Variants in TENM3 observed in about 807,000 individuals in gnomAD.
The protein encoded by TENM3 is teneurin-3.
TENM3 carries 63 observed loss-of-function variants against 255.1 expected under a neutral mutation model. The observed-to-expected ratio is 0.25, with a 90% CI of 0.20 to 0.30. The LOEUF (loss-of-function observed/expected upper bound fraction) is 0.30, where lower values mean the gene tolerates loss of function less well. Among genes scored for constraint, TENM3 ranks in the 10% least tolerant of loss-of-function variants. The probability of loss-of-function intolerance (pLI) is 1.00; values close to 1 mark genes in which losing one functional copy is unlikely to be tolerated. For missense variants in TENM3, 2,929 were observed against 3,461.1 expected (o/e 0.85, Z 3.86); for synonymous variants, 1,306 against 1,322.3 (o/e 0.99, Z 0.27).
chr4:181,745,745 G>A, the TENM3 span, among the ~76,000 whole-genome samples: 2,906 of 152,220 alleles, frequency 0.019, 91 homozygotes, highest in African/African-American at 0.064. Context: ...GAAGCTCTGA[G>A]GATACAGAAA....
At chr4:182,480,897 T>C (rs1734131782) in intron 3 of TENM3, among the ~76,000 whole-genome samples, 1 of 152,106 alleles carries the variant, frequency 6.6e-6, no homozygotes, top group Admixed American at 6.5e-5. Flanking sequence ...GAGAATTGGG[T>C]ATTTGATTTT....
the TENM3 span, among the ~76,000 whole-genome samples, chr4:181,482,256 C>T: frequency 1.3e-5 from 2 of 152,180 alleles, no homozygotes; most frequent in South Asian, 2.1e-4. Context: ...GACAACTTCT[C>T]CTTTCTACAC....
chr4:181,539,429 A>T, the TENM3 span, among the ~76,000 whole-genome samples: 1 of 152,232 alleles, frequency 6.6e-6, no homozygotes, highest in Admixed American at 6.5e-5. Flanking sequence ...TTTGAAAAAT[A>T]AAGTCTCATT....
At chr4:181,725,489 C>T in the TENM3 span, among the ~76,000 whole-genome samples, 2 of 147,206 alleles carry the variant, frequency 1.4e-5, no homozygotes, top group Non-Finnish European at 3.0e-5. Context: ...GAGTCTCACT[C>T]TGTCACCCAG....
chr4:182,167,166 T>G (rs1751774492), intron 1 of TENM3, among the ~76,000 whole-genome samples: 1 of 152,206 alleles, frequency 6.6e-6, no homozygotes, highest in African/African-American at 2.4e-5. Flanking sequence ...GCTAACTGAT[T>G]ACAATGGCTG....
chr4:181,448,382 G>A, the TENM3 span, among the ~76,000 whole-genome samples: 12 of 150,596 alleles, frequency 8.0e-5, no homozygotes, highest in African/African-American at 2.0e-4. Context: ...CGTTTTAGCC[G>A]GGATGGTCTC....
At chr4:181,605,568 A>AAGAAAGAAAGAAAGAAAGGGAG in the TENM3 span, among the ~76,000 whole-genome samples, 17 of 42,204 alleles carry the variant, frequency 4.0e-4, 1 homozygote, top group African/African-American at 1.5e-3. Context: ...GAAAGAAAGA[A>AAGAAAGAAAGAAAGAAAGGGAG]AGAGAGAGAA....
chr4:182,446,348 A>C (rs1772911702), intron 3 of TENM3, among the ~76,000 whole-genome samples: 1 of 152,240 alleles, frequency 6.6e-6, no homozygotes, highest in Admixed American at 6.5e-5. Context: ...CTTATATCTA[A>C]TTAGCATTTT....
intron 3 of TENM3, among the ~76,000 whole-genome samples, chr4:182,389,411 A>G (rs2150970583): frequency 6.6e-6 from 1 of 151,326 alleles, no homozygotes; most frequent in South Asian, 2.1e-4. Context: ...AACTATGCCC[A>G]GGCCATAGAG....
At chr4:182,471,221 A>G (rs1733091629) in intron 3 of TENM3, among the ~76,000 whole-genome samples, 1 of 152,216 alleles carries the variant, frequency 6.6e-6, no homozygotes, top group African/African-American at 2.4e-5. Flanking sequence ...AAACACATTT[A>G]AAAATGGCCT....
the TENM3 span, among the ~76,000 whole-genome samples, chr4:182,071,817 G>A: frequency 0.71 from 107,397 of 151,388 alleles, 38,765 homozygotes; most frequent in East Asian, 0.87. Flanking sequence ...CACCAGGGAT[G>A]GTTCTTAATC....
chr4:182,698,424 G>T (rs993984791), intron 12 of TENM3, among the ~76,000 whole-genome samples: 1 of 152,046 alleles, frequency 6.6e-6, no homozygotes, highest in East Asian at 1.9e-4. Flanking sequence ...ATACGATGAC[G>T]TCTCCAAAAG....
chr4:181,620,841 T>G, the TENM3 span, among the ~76,000 whole-genome samples: 1 of 152,172 alleles, frequency 6.6e-6, no homozygotes, highest in South Asian at 2.1e-4. Context: ...TTATTATGTA[T>G]CCTAACTATT....
the TENM3 span, among the ~76,000 whole-genome samples, chr4:181,710,047 G>A: frequency 6.6e-6 from 1 of 152,234 alleles, no homozygotes; most frequent in East Asian, 1.9e-4. Flanking sequence ...GGGACAGTGG[G>A]ATATTTCACA....
the TENM3 span, among the ~76,000 whole-genome samples, chr4:181,595,444 A>AACAAAAAAAAAC: frequency 2.3e-5 from 3 of 129,528 alleles, no homozygotes; most frequent in Non-Finnish European, 3.2e-5. Flanking sequence ...AAAAAAAAAA[A>AACAAAAAAAAAC]AAAAAAAAAA....
chr4:181,858,386 C>A, the TENM3 span, among the ~76,000 whole-genome samples: 13 of 152,160 alleles, frequency 8.5e-5, no homozygotes, highest in East Asian at 1.4e-3. Flanking sequence ...TGGTAATGAA[C>A]CAGCTATTTC....
intron 3 of TENM3, among the ~76,000 whole-genome samples, chr4:182,597,756 G>GT (rs1250661717): frequency 3.9e-5 from 6 of 152,276 alleles, no homozygotes; most frequent in African/African-American, 1.4e-4. Flanking sequence ...TCTATCTTGA[G>GT]TAAATTGGTA....
At chr4:182,576,065 C>T (rs535481285) in intron 3 of TENM3, among the ~76,000 whole-genome samples, 2 of 152,258 alleles carry the variant, frequency 1.3e-5, no homozygotes, top group South Asian at 2.1e-4. Flanking sequence ...TTACTTTAGA[C>T]AATGTTAAGA....
At chr4:181,977,481 T>C in the TENM3 span, among the ~76,000 whole-genome samples, 1 of 152,172 alleles carries the variant, frequency 6.6e-6, no homozygotes, top group African/African-American at 2.4e-5. Flanking sequence ...GATTAATTAA[T>C]CTAATTAGGG....
Sources: allele counts gnomAD v4.1 joint callset (sites outside exome capture counted in the v4.1 genomes callset), GRCh38; gene constraint gnomAD v4.1.1; transcripts MANE v1.5; gene names NCBI Gene and HGNC (gene_info 2026-07-23, HGNC 2026-07-21).